The following COCH variants were observed in gnomAD, a reference collection of about 807,000 sequenced individuals.
COCH encodes coagulation factor C homolog, cochlin (Limulus polyphemus).
Under a neutral mutation model 54.8 loss-of-function variants are expected in COCH, and 40 were observed. That is an observed-to-expected ratio of 0.73 (90% CI 0.57 to 0.95). COCH has a LOEUF of 0.95. Among genes scored for constraint, COCH ranks in the 40% least tolerant of loss-of-function variants. The pLI is 0.00. For missense variants in COCH, 605 were observed against 675.0 expected, an observed-to-expected ratio of 0.90 and a Z score of 1.15; for synonymous variants, 256 against 237.9, an observed-to-expected ratio of 1.08 and a Z score of -0.70.
At chr14:30,881,107 T>G (rs1333031323) in intron 8 of COCH, among the ~76,000 whole-genome samples, 5 of 149,462 alleles carry the variant, frequency 3.3e-5, no homozygotes, top group Admixed American at 2.0e-4. Flanking sequence ...CCTAGCTACT[T>G]GGGAGGCTGA....
chr14:30,887,301 C>G (rs28362782), intron 11 of COCH, among the ~76,000 whole-genome samples: 1 of 151,122 alleles, frequency 6.6e-6, no homozygotes, highest in Middle Eastern at 3.2e-3. Context: ...GGCTGAGGCA[C>G]GAGAATCACT....
chr14:30,884,959 T>C lies in COCH; in HGVS notation c.733+303T>C, dbSNP rs1895732118. On this transcript the variant is annotated intron_variant, in intron 9 of 11. Transcript: ENST00000396618. The stretch of plus-strand genomic sequence containing the variant: ...TTGTAATGCTAAAAAGAAGTGAAAA[T>C]CAACAGACTTATCTAATGAATGCAG... 3.1e-6 allele frequency: 5 copies of C among 1,598,044 alleles called. No homozygotes were observed. The South Asian group carries it at 3.3e-5, about 11-fold the overall frequency.
rs1217710110 is a variant in COCH at position 30,877,837 on chromosome 14, T to C, written c.239+109T>C. 1.9e-6 allele frequency: 3 copies of C among 1,548,904 alleles called. No individual in the cohort carries two copies. The highest frequency in any genetic ancestry group is 2.3e-5 in the East Asian group (1 of 43,848). ...CCCTGCATTCTTTCTTTTGTTGCCA[T>C]TGTGGCCACAGAAAATGGATATATT... On this transcript the variant is annotated intron_variant, in intron 4 of 11. Transcript: ENST00000396618. The surrounding 1 kb of genome is among the most constrained non-coding windows in gnomAD (Gnocchi z 8.6).
chr14:30,874,726 C>T, intron 1 of COCH, 135 bp downstream of exon 1: 2 of 637,488 alleles, frequency 3.1e-6, no homozygotes, highest in Non-Finnish European at 5.6e-6. Flanking sequence ...GCACACCGAT[C>T]CTGGGCTTCG....
downstream of COCH, among the ~76,000 whole-genome samples, chr14:30,893,050 T>C (rs182231020): frequency 6.6e-6 from 1 of 152,232 alleles, no homozygotes; most frequent in Admixed American, 6.5e-5. Context: ...TTTCAAAATA[T>C]TGTTTAACAT....
chr14:30,894,899 T>TG (rs1039542157), downstream of COCH: 6 of 1,053,230 alleles, frequency 5.7e-6, no homozygotes, highest in Non-Finnish European at 7.4e-6. Context: ...TTTTCTTTTT[T>TG]TTTTTTTTTA....
chr14:30,889,639 G>A lies in COCH; in HGVS notation c.1501G>A (p.Val501Met). ...DAGITIFSVGVAWAPLDDLKD... is the reference protein window; with the variant it reads ...DAGITIFSVGMAWAPLDDLKD... ...AGGAATCACTATCTTCTCTGTTGGT[G>A]TGGCTTGGGCACCTCTGGATGACCT... Residue 501 changes from valine to methionine, a missense_variant, in exon 12 of 12, where the codon GTG (valine) becomes ATG (methionine). Coordinates refer to ENST00000396618, the MANE Select transcript of COCH (RefSeq NM_004086.3). 2 of 1,614,026 alleles carry A rather than the reference G, an allele frequency of 1.2e-6. No homozygotes were observed. The highest frequency in any genetic ancestry group is 1.7e-5 in the Admixed American group (1 of 60,022).
Position 30,885,849 on chromosome 14 carries a change from C to T in COCH, c.1014C>T (p.Gly338=), listed in dbSNP as rs1357407670. 6.2e-7 allele frequency: 1 copy of T among 1,614,122 alleles called. No homozygotes were observed. Among genetic ancestry groups the T allele is most frequent in the South Asian group, 1.1e-5 (1 of 91,084 alleles). Residue 338 remains glycine, a synonymous_variant, in exon 11 of 12, where the codon GGC becomes GGT. Transcript: ENST00000396618. ...CTTACCACATGCCCAACTGGTTTGG[C>T]ACCACAAAATACGTAAAGCCTCTGG... is the stretch of plus-strand genomic sequence containing the variant. ...FFSYHMPNWF[G]TTKYVKPLVQ... is the part of the protein sequence containing the mutation.
chr14:30,877,004 T>G lies in COCH; in HGVS notation c.83-568T>G, dbSNP rs1041959398. Reference sequence around the variant, plus strand: ...TTTTTTTTTAGAAGAGATGAGGTCTTGCTATGTTGTCCAGACTGGTCTTGA... The same window carrying G: ...TTTTTTTTTAGAAGAGATGAGGTCTGGCTATGTTGTCCAGACTGGTCTTGA... On this transcript the variant is annotated intron_variant, in intron 3 of 11. Transcript: ENST00000396618. This position sits in a 1 kb window ranked among gnomAD's most constrained non-coding sequence, Gnocchi z 8.6. Among the ~76,000 whole-genome samples, 8 of 152,234 alleles carry G rather than the reference T, an allele frequency of 5.3e-5. No individual in the cohort carries two copies. The highest frequency in any genetic ancestry group is 2.1e-4 in the South Asian group (1 of 4,818).
intron 4 of COCH, among the ~76,000 whole-genome samples, 188 bp from the exon 5 acceptor site, chr14:30,878,623 C>T (rs1263049437): frequency 6.6e-6 from 1 of 152,180 alleles, no homozygotes; most frequent in Admixed American, 6.5e-5. Flanking sequence ...CGCCACTGCA[C>T]TCCATCCTGG....
intron 4 of COCH, among the ~76,000 whole-genome samples, 197 bp from the exon 5 acceptor site, chr14:30,878,614 G>A (rs534159889): frequency 6.8e-4 from 103 of 152,248 alleles, no homozygotes; most frequent in African/African-American, 1.7e-3. Context: ...CCGAGATCGC[G>A]CCACTGCACT....
intron 11 of COCH, 87 bp downstream of exon 11, chr14:30,886,399 C>T: frequency 2.9e-6 from 4 of 1,401,202 alleles, no homozygotes; most frequent in Non-Finnish European, 4.0e-6. Context: ...GCATTTATTT[C>T]ATTAAACAAA....
At position 30,890,303 on chromosome 14, in the gene COCH, T is replaced by C. The variant is rs1895938899; in HGVS notation, c.*512T>C. 4.1e-6 allele frequency: 4 copies of C among 985,784 alleles called. No homozygotes were observed. The South Asian group carries it at 1.9e-4, about 46-fold the overall frequency. The allele number at this position is 985,784 out of a possible 1,614,324, so 61.1% of individuals were successfully genotyped here. On this transcript the variant is annotated 3_prime_UTR_variant, in exon 12 of 12. Coordinates refer to ENST00000396618, the MANE Select transcript of COCH (RefSeq NM_004086.3). ...AATAGCTAGCTATTACTGCAGACTATAAAATCTGGATATAGAAAGGAGACC... is the reference window on the plus strand; with the variant it reads ...AATAGCTAGCTATTACTGCAGACTACAAAATCTGGATATAGAAAGGAGACC...
chr14:30,880,366 CTGT>C (rs1310836329), intron 6 of COCH, 83 bp from the exon 7 acceptor site: 19 of 1,576,334 alleles, frequency 1.2e-5, no homozygotes, highest in Non-Finnish European at 1.6e-5. Flanking sequence ...GAATGGCACT[CTGT>C]TGTTATGAGC....
chr14:30,882,183 G>A (rs1306258538), intron 8 of COCH, among the ~76,000 whole-genome samples: 1 of 117,674 alleles, frequency 8.5e-6, no homozygotes, highest in Non-Finnish European at 1.6e-5. Flanking sequence ...AGGCTGGAAT[G>A]CAATGGCACG....
chr14:30,878,404 T>C (rs1461020540), intron 4 of COCH, among the ~76,000 whole-genome samples: 20 of 152,204 alleles, frequency 1.3e-4, no homozygotes, highest in Admixed American at 1.3e-3. Context: ...CTCACACCTG[T>C]AATCCCACCA....
chr14:30,895,401 T>C (rs774751692), downstream of COCH: 5 of 1,589,120 alleles, frequency 3.1e-6, no homozygotes, highest in South Asian at 5.6e-5. Flanking sequence ...CGATGCAAGT[T>C]TTTGTTGATT....
chr14:30,875,131 G>A, intron 3 of COCH, 28 bp downstream of exon 3: 1 of 1,549,208 alleles, frequency 6.5e-7, no homozygotes, highest in African/African-American at 1.4e-5. Context: ...GGTGCGTCCA[G>A]GCGGTCGCAG....
At chr14:30,893,427 T>C (rs372092244), downstream of COCH, among the ~76,000 whole-genome samples, 27 of 152,236 alleles carry the variant, frequency 1.8e-4, no homozygotes, top group East Asian at 4.4e-3. Flanking sequence ...GCTGGGATTA[T>C]AGGCCTGAGC....
Sources: allele counts gnomAD v4.1 joint callset (sites outside exome capture counted in the v4.1 genomes callset), GRCh38; gene constraint gnomAD v4.1.1; non-coding constraint Gnocchi (gnomAD v3.1); transcripts MANE v1.5; gene names NCBI Gene and HGNC (gene_info 2026-07-23, HGNC 2026-07-21).